Variants in WWP1 observed in about 807,000 individuals in gnomAD.
WWP1 encodes the protein NEDD4-like E3 ubiquitin-protein ligase WWP1.
Under a neutral mutation model 130.6 loss-of-function variants are expected in WWP1, and 49 were observed. The observed-to-expected ratio is 0.38, with a 90% CI of 0.30 to 0.48. The LOEUF (loss-of-function observed/expected upper bound fraction) is 0.48, where lower values mean the gene tolerates loss of function less well. Ranked by LOEUF, WWP1 falls within the 20% of genes least tolerant of loss-of-function variation. The pLI, the probability that WWP1 is intolerant of heterozygous loss-of-function variation, is 0.99. For synonymous variants in WWP1, 332 were observed against 367.8 expected, an observed-to-expected ratio of 0.90 and a Z score of 1.11; for missense variants, 809 against 1,100.6, an observed-to-expected ratio of 0.74 and a Z score of 3.75.
At chr8:86,390,548 G>A (rs1807255162) in intron 5 of WWP1, among the ~76,000 whole-genome samples, 1 of 152,188 alleles carries the variant, frequency 6.6e-6, no homozygotes, top group African/African-American at 2.4e-5. Context: ...ACAAAAACCA[G>A]TCAGGCGTGG....
chr8:86,351,645 A>C (rs1005382425), intron 1 of WWP1, among the ~76,000 whole-genome samples: 1 of 152,100 alleles, frequency 6.6e-6, no homozygotes, highest in East Asian at 1.9e-4. Flanking sequence ...AACAAAAAAA[A>C]AGTTGCTAAA....
chr8:86,422,977 G>A (rs1373586223), intron 9 of WWP1, among the ~76,000 whole-genome samples: 4 of 151,578 alleles, frequency 2.6e-5, no homozygotes, highest in Non-Finnish European at 5.9e-5. Flanking sequence ...CTTTTAGATG[G>A]GTACTTTTGA....
At chr8:86,350,485 T>C (rs573046420) in intron 1 of WWP1, among the ~76,000 whole-genome samples, 7 of 151,922 alleles carry the variant, frequency 4.6e-5, no homozygotes, top group Admixed American at 4.6e-4. Context: ...CTAATGCAAA[T>C]CTCTTTGCAA....
At chr8:86,346,969 T>G (rs1253716830) in intron 1 of WWP1, among the ~76,000 whole-genome samples, 1 of 152,172 alleles carries the variant, frequency 6.6e-6, no homozygotes, top group Non-Finnish European at 1.5e-5. Context: ...TAAGTTGGTG[T>G]GTTAGGAAGT....
At chr8:86,425,408 C>A in intron 10 of WWP1, 90 bp downstream of exon 10, 1 of 861,498 alleles carries the variant, frequency 1.2e-6, no homozygotes, top group South Asian at 2.1e-5. Flanking sequence ...TTGATTCTTT[C>A]ATTCTGCATA....
intron 3 of WWP1, 151 bp from the exon 4 acceptor site, chr8:86,380,575 T>TTA: frequency 1.2e-6 from 1 of 805,874 alleles, no homozygotes; most frequent in Non-Finnish European, 1.8e-6. Flanking sequence ...CTCTCAAGCA[T>TTA]TATCAGTAGC....
chr8:86,425,504 T>G (rs1420709636), intron 10 of WWP1, among the ~76,000 whole-genome samples, 186 bp downstream of exon 10: 1 of 152,224 alleles, frequency 6.6e-6, no homozygotes, highest in Non-Finnish European at 1.5e-5. Context: ...CTCAAGAGAC[T>G]GTCAAGCATT....
rs1809555414 is a variant in WWP1, at chr8:86,425,291, G to C, written c.1130G>C (p.Trp377Ser). ...YVDHNTRTTT[W>S]ERPQPLPPGW... ...GATCATAATACTCGAACTACCACAT[G>C]GGAGAGACCACAACCTTTACCTCCA... is the stretch of plus-strand genomic sequence containing the variant. Residue 377 changes from tryptophan (W) to serine (S), a missense_variant, in exon 10 of 25, where the codon TGG (tryptophan) becomes TCG (serine). Trp to Ser is a radical substitution (Grantham distance 177, BLOSUM62 -3). This residue lies in a region of WWP1 where 450 missense variants were observed against 674.2 expected (regional missense o/e 0.67). Transcript: ENST00000517970. 6.2e-7 allele frequency: 1 copy of C among 1,612,958 alleles called. No homozygotes were observed. Among genetic ancestry groups the C allele is most frequent in the Admixed American group, 1.7e-5 (1 of 59,910 alleles).
At chr8:86,407,169 AC>A (rs1808328379) in intron 8 of WWP1, among the ~76,000 whole-genome samples, 1 of 152,190 alleles carries the variant, frequency 6.6e-6, no homozygotes, top group Admixed American at 6.5e-5. Flanking sequence ...CATAACTATT[AC>A]ATAAGATTTT....
At chr8:86,401,078 A>G (rs969754254) in intron 7 of WWP1, among the ~76,000 whole-genome samples, 5 of 151,584 alleles carry the variant, frequency 3.3e-5, no homozygotes, top group Non-Finnish European at 7.4e-5. Flanking sequence ...AATAAGACTT[A>G]AAATGTTTGA....
chr8:86,343,785 A>G (rs762618492), intron 1 of WWP1, among the ~76,000 whole-genome samples: 7 of 152,150 alleles, frequency 4.6e-5, no homozygotes, highest in Admixed American at 6.5e-5. Flanking sequence ...TTTCTATTTG[A>G]TAAGTTTAAC....
chr8:86,364,340 A>C (rs1380229444), intron 1 of WWP1, among the ~76,000 whole-genome samples: 1 of 152,188 alleles, frequency 6.6e-6, no homozygotes, highest in Admixed American at 6.5e-5. Context: ...GAAATGGTTA[A>C]AATTGGCATT....
At chr8:86,362,187 T>TATAC (rs1327500177) in intron 1 of WWP1, among the ~76,000 whole-genome samples, 3 of 131,458 alleles carry the variant, frequency 2.3e-5, no homozygotes, top group Non-Finnish European at 4.7e-5. Flanking sequence ...TATATATATA[T>TATAC]ATATATATAT....
At chr8:86,426,776 A>G (rs1809647921) in intron 10 of WWP1, among the ~76,000 whole-genome samples, 1 of 152,216 alleles carries the variant, frequency 6.6e-6, no homozygotes, top group African/African-American at 2.4e-5. Context: ...TAATAAAAAG[A>G]GTTCAGTTAA....
At chr8:86,465,783 C>A (rs946263414) in intron 24 of WWP1, among the ~76,000 whole-genome samples, 1 of 152,108 alleles carries the variant, frequency 6.6e-6, no homozygotes, top group Non-Finnish European at 1.5e-5. Flanking sequence ...TCATACTCTA[C>A]CTTGAAGTAT....
chr8:86,429,353 C>CA (rs373842590), intron 11 of WWP1, among the ~76,000 whole-genome samples: 30 of 152,248 alleles, frequency 2.0e-4, no homozygotes, highest in African/African-American at 7.0e-4. Flanking sequence ...CTACCTCCAA[C>CA]AAAACAGGGT....
At chr8:86,349,920 G>C (rs79615050) in intron 1 of WWP1, among the ~76,000 whole-genome samples, 2 of 151,976 alleles carry the variant, frequency 1.3e-5, no homozygotes, top group African/African-American at 4.8e-5. Context: ...CTTGTGATTG[G>C]ATTTGAGACC....
rs147553353 is a variant in WWP1, at chr8:86,461,784, G to C, written c.2607G>C (p.Gly869=). 1.9e-5 allele frequency: 31 copies of C among 1,613,800 alleles called. No homozygotes were observed. The highest frequency in any genetic ancestry group is 1.1e-5 in the Non-Finnish European group (13 of 1,179,920). The change falls in exon 24 of 25, where the codon GGG becomes GGC. Residue 869 remains glycine (G), a synonymous_variant. Transcript: ENST00000517970. ...GGFAELMGSN[G]PQKFCIEKVG... ...ATTTTCTTGGTGTAGGAAGTAATGGGCCTCAAAAGTTTTGCATTGAAAAAG... is the reference window on the plus strand; with the variant it reads ...ATTTTCTTGGTGTAGGAAGTAATGGCCCTCAAAAGTTTTGCATTGAAAAAG...
chr8:86,360,142 C>CAAA (rs57679709), intron 1 of WWP1, among the ~76,000 whole-genome samples: 1 of 145,180 alleles, frequency 6.9e-6, no homozygotes, highest in African/African-American at 2.5e-5. Context: ...GACTCCGTCT[C>CAAA]AAAAAAAAAA....
Sources: gnomAD v4.1 joint callset for allele counts (sites outside exome capture counted in the v4.1 genomes callset) on GRCh38, gnomAD v4.1.1 for gene constraint, gnomAD v4.1.1 regional missense constraint, MANE v1.5 for transcripts, NCBI Gene and HGNC (gene_info 2026-07-23, HGNC 2026-07-21) for gene names.